CENPH: variants seen among roughly 807,000 people sequenced by gnomAD.
CENPH encodes the protein centromere protein H, also known as CENP-H.
A neutral mutation model predicts 42.9 loss-of-function variants in CENPH; 40 were observed. The observed-to-expected ratio is 0.93, with a 90% CI of 0.72 to 1.21. CENPH has a LOEUF of 1.21. Among genes scored for constraint, CENPH ranks in the 50% most tolerant of loss-of-function variants. The probability of loss-of-function intolerance (pLI) is 0.00; values close to 1 mark genes in which losing one functional copy is unlikely to be tolerated. For missense variants in CENPH, 302 were observed against 292.9 expected (o/e 1.03, Z -0.23); for synonymous variants, 88 against 96.5 (o/e 0.91, Z 0.52).
At chr5:69,193,116 A>T (rs1256876259) in intron 2 of CENPH, among the ~76,000 whole-genome samples, 1 of 150,036 alleles carries the variant, frequency 6.7e-6, no homozygotes, top group Non-Finnish European at 1.5e-5. Flanking sequence ...AAACAAACAA[A>T]ATATATATAT....
chr5:69,192,676 A>C (rs1025814170), intron 2 of CENPH, among the ~76,000 whole-genome samples: 1 of 152,200 alleles, frequency 6.6e-6, no homozygotes, highest in Non-Finnish European at 1.5e-5. Context: ...GCTGGGACTC[A>C]CTACAACATC....
intron 5 of CENPH, among the ~76,000 whole-genome samples, chr5:69,199,878 C>T (rs1412523172): frequency 1.3e-5 from 2 of 151,936 alleles, no homozygotes; most frequent in African/African-American, 4.8e-5. Flanking sequence ...TTTGGGAGGC[C>T]GAGGCAGGCG....
At chr5:69,198,737 A>G (rs903346916) in intron 5 of CENPH, among the ~76,000 whole-genome samples, 1 of 152,140 alleles carries the variant, frequency 6.6e-6, no homozygotes, top group Non-Finnish European at 1.5e-5. Context: ...ATTTGAGATC[A>G]GCCTGGGCAA....
intron 1 of CENPH, 113 bp downstream of exon 1, chr5:69,189,881 G>A: frequency 8.4e-7 from 1 of 1,184,388 alleles, no homozygotes; most frequent in East Asian, 2.9e-5. Context: ...TCAGGTCTCC[G>A]TGATTGCCTC....
intron 4 of CENPH, 93 bp from the exon 5 acceptor site, chr5:69,196,960 G>T: frequency 4.2e-6 from 3 of 720,436 alleles, no homozygotes; most frequent in South Asian, 2.4e-5. Flanking sequence ...ATGTATATTT[G>T]AAGGGAAATC....
intron 2 of CENPH, among the ~76,000 whole-genome samples, chr5:69,192,813 A>G (rs1257764827): frequency 2.0e-5 from 3 of 152,122 alleles, no homozygotes. Context: ...AAATATATAT[A>G]TGGCTGGGCT....
At position 69,195,620 on chromosome 5, in the gene CENPH, G is replaced by A. The variant is rs1233525383; in HGVS notation, c.240-97G>A. 3 of 682,236 alleles carry A rather than the reference G, an allele frequency of 4.4e-6. No individual in the cohort carries two copies. In the East Asian group the frequency reaches 8.3e-5, roughly 19 times the overall value. 42.3% of individuals were successfully genotyped at this position (682,236 alleles called of 1,614,324 possible). On this transcript the variant is annotated intron_variant, in intron 3 of 8. Transcript: ENST00000283006. ...TGTAGAATACTTGTATTTAGATAGA[G>A]GTGTTTTACTTTTTTAAGGGCTTAT...
intron 2 of CENPH, 41 bp downstream of exon 2, chr5:69,191,891 T>G (rs1471686332): frequency 8.1e-7 from 1 of 1,236,362 alleles, no homozygotes; most frequent in Non-Finnish European, 1.2e-6. Context: ...TGTTGTTTGT[T>G]TGTTTGTTTT....
chr5:69,206,204 C>T (rs1248015097), intron 7 of CENPH, among the ~76,000 whole-genome samples: 13 of 149,350 alleles, frequency 8.7e-5, no homozygotes, highest in East Asian at 2.0e-4. Context: ...TTTTTTTATA[C>T]GGAATTTCTC....
chr5:69,196,822 G>GC (rs1747971306), intron 4 of CENPH, among the ~76,000 whole-genome samples: 1 of 152,032 alleles, frequency 6.6e-6, no homozygotes, highest in South Asian at 2.1e-4. Flanking sequence ...GATTCACCTG[G>GC]CCCCTCATTC....
In CENPH at chr5:69,189,733, G is replaced by A; in HGVS notation, c.99G>A (p.Ala33=). 1 of 1,552,388 alleles carries A rather than the reference G, an allele frequency of 6.4e-7. No individual in the cohort carries two copies. Among genetic ancestry groups the A allele is most frequent in the South Asian group, 1.2e-5 (1 of 84,834 alleles). ...GGPPQVAGAQ[A]ACSEDRMTLL... Reference sequence around the variant, plus strand: ...CACCGCAGGTCGCCGGCGCCCAGGCGGCGTGCAGCGAGGACCGCATGACCC... The same window carrying A: ...CACCGCAGGTCGCCGGCGCCCAGGCAGCGTGCAGCGAGGACCGCATGACCC... Residue 33 remains alanine (A), a synonymous_variant, in exon 1 of 9, where the codon GCG becomes GCA. Transcript: ENST00000283006.
Position 69,197,095 on chromosome 5 carries a change from T to G in CENPH, c.357T>G (p.Ile119Met). 1 of 1,581,364 alleles carries G rather than the reference T, an allele frequency of 6.3e-7. No homozygotes were observed. The highest frequency in any genetic ancestry group is 8.6e-7 in the Non-Finnish European group (1 of 1,168,972). The change falls in exon 5 of 9, where the codon ATT becomes ATG. Residue 119 changes from isoleucine to methionine, a missense_variant. Ile to Met is a conservative substitution (Grantham distance 10, BLOSUM62 1). Coordinates refer to ENST00000283006, the MANE Select transcript of CENPH (RefSeq NM_022909.4). ...CACTTAAAAAAAACCTGGAGAAAAT[T>G]AGCAGACAGTCTAGGTATGATTTTT... ...STALKKNLEK[I>M]SRQSSVLMDN...
Position 69,197,088 on chromosome 5 carries a change from A to G in CENPH, c.350A>G (p.Glu117Gly). ...RLSTALKKNL[E>G]KISRQSSVLM... ...TCAACTGCACTTAAAAAAAACCTGG[A>G]GAAAATTAGCAGACAGTCTAGGTAT... Residue 117 changes from glutamate to glycine, a missense_variant, in exon 5 of 9, where the codon GAG becomes GGG. Physicochemically the swap from Glu to Gly is moderately conservative, Grantham distance 98 (BLOSUM62 -2). Transcript: ENST00000283006. The G allele has an allele frequency of 6.3e-7, 1 of 1,582,332 alleles. No individual in the cohort carries two copies. Among genetic ancestry groups the G allele is most frequent in the Non-Finnish European group, 8.5e-7 (1 of 1,169,934 alleles).
chr5:69,191,103 G>T (rs1271703061), intron 1 of CENPH, among the ~76,000 whole-genome samples: 2 of 152,092 alleles, frequency 1.3e-5, no homozygotes, highest in African/African-American at 4.8e-5. Flanking sequence ...TAGTATCTTT[G>T]TTATTTTTCT....
chr5:69,201,926 CAAT>C (rs1287186555), intron 5 of CENPH, among the ~76,000 whole-genome samples: 8 of 152,110 alleles, frequency 5.3e-5, no homozygotes, highest in African/African-American at 9.7e-5. Context: ...CTTTGGGTAA[CAAT>C]GATGTGTCGA....
intron 2 of CENPH, among the ~76,000 whole-genome samples, chr5:69,192,095 C>T (rs148548964): frequency 0.017 from 2,610 of 152,168 alleles, 77 homozygotes; most frequent in Admixed American, 0.092. Context: ...TGCCACCACA[C>T]CTGGCCTCAA....
rs11343223 is a variant in CENPH at position 69,204,070 on chromosome 5, TA to T, written c.487+1102del. On this transcript the variant is annotated intron_variant, in intron 7 of 8. Coordinates refer to ENST00000283006, the MANE Select transcript of CENPH (RefSeq NM_022909.4). ...TATATATTATATATATAAATATATA[TA>T]ATATATAAATATATATAATTTCTAA... Among the ~76,000 whole-genome samples the T allele has an allele frequency of 2.0e-4, 10 of 50,706 alleles. 1 individual carries two copies. The highest frequency in any genetic ancestry group is 1.8e-3 in the South Asian group (2 of 1,126). The allele number at this position is 50,706 out of a possible 152,430, so 33.3% of individuals were successfully genotyped here.
intron 5 of CENPH, among the ~76,000 whole-genome samples, chr5:69,197,721 G>A (rs1309081567): frequency 1.3e-5 from 2 of 151,842 alleles, no homozygotes; most frequent in Non-Finnish European, 2.9e-5. Flanking sequence ...GTTAATGGGT[G>A]CAGCACACCA....
intron 5 of CENPH, among the ~76,000 whole-genome samples, chr5:69,199,987 C>T (rs533935927): frequency 1.1e-4 from 16 of 151,994 alleles, no homozygotes; most frequent in Non-Finnish European, 1.5e-4. Flanking sequence ...GTGGCAGGTA[C>T]CTGTAATCCC....
Sources: gnomAD v4.1 joint callset for allele counts (sites outside exome capture counted in the v4.1 genomes callset) on GRCh38, gnomAD v4.1.1 for gene constraint, MANE v1.5 for transcripts, NCBI Gene and HGNC (gene_info 2026-07-23, HGNC 2026-07-21) for gene names.